The following NOL4 variants were observed in gnomAD, a reference collection of about 807,000 sequenced individuals.
NOL4 encodes nucleolar protein 4.
In NOL4, 17 loss-of-function variants were observed where a neutral mutation model predicts 75.9. That is an observed-to-expected ratio of 0.22 (90% CI 0.15 to 0.34). NOL4 has a LOEUF of 0.34. Ranked by LOEUF, NOL4 falls within the 10% of genes least tolerant of loss-of-function variation. The pLI, the probability that NOL4 is intolerant of heterozygous loss-of-function variation, is 1.00. For synonymous variants in NOL4, 292 were observed against 289.9 expected (o/e 1.01, Z -0.07); for missense variants, 614 against 793.5 (o/e 0.77, Z 2.72).
chr18:34,056,372 T>A (rs1263388741), intron 5 of NOL4, among the ~76,000 whole-genome samples: 1 of 152,106 alleles, frequency 6.6e-6, no homozygotes, highest in East Asian at 1.9e-4. Flanking sequence ...CTCGTGTATG[T>A]CTTTACTTCT....
At chr18:33,980,142 A>C (rs2071830298) in intron 6 of NOL4, among the ~76,000 whole-genome samples, 1 of 152,056 alleles carries the variant, frequency 6.6e-6, no homozygotes, top group Admixed American at 6.6e-5. Flanking sequence ...TATTCAAAAA[A>C]TCAGACAGAC....
chr18:33,855,064 C>T (rs993878989), intron 10 of NOL4, among the ~76,000 whole-genome samples: 1 of 152,014 alleles, frequency 6.6e-6, no homozygotes, highest in Non-Finnish European at 1.5e-5. Context: ...AGAAAGTTGA[C>T]ATCATTATCT....
intron 6 of NOL4, among the ~76,000 whole-genome samples, chr18:34,017,366 T>C (rs759678542): frequency 5.9e-5 from 9 of 152,148 alleles, no homozygotes; most frequent in Non-Finnish European, 1.2e-4. Context: ...TTTAATTGCA[T>C]AAATTTAAGA....
chr18:34,038,490 T>C (rs1484576961), intron 5 of NOL4, among the ~76,000 whole-genome samples: 2 of 152,014 alleles, frequency 1.3e-5, no homozygotes, highest in African/African-American at 2.4e-5. Context: ...AGCTTAAGTG[T>C]CCATCAGTAA....
At chr18:33,880,951 A>T (rs1725429037) in intron 10 of NOL4, among the ~76,000 whole-genome samples, 1 of 152,070 alleles carries the variant, frequency 6.6e-6, no homozygotes, top group Non-Finnish European at 1.5e-5. Context: ...GTTTTTATTA[A>T]TAGCAGATTC....
chr18:33,861,531 CT>C (rs2063131689), intron 10 of NOL4, among the ~76,000 whole-genome samples: 1 of 151,466 alleles, frequency 6.6e-6, no homozygotes, highest in Non-Finnish European at 1.5e-5. Context: ...CTCTTTTTTT[CT>C]TTATTAGTCT....
At chr18:34,100,968 C>A (rs966201341) in intron 4 of NOL4, among the ~76,000 whole-genome samples, 6 of 152,084 alleles carry the variant, frequency 3.9e-5, no homozygotes, top group African/African-American at 1.4e-4. Flanking sequence ...TAGTTAATAC[C>A]AATTCTACCC....
intron 5 of NOL4, among the ~76,000 whole-genome samples, chr18:34,022,125 TA>T (rs1214838124): frequency 2.0e-5 from 3 of 150,860 alleles, no homozygotes; most frequent in Non-Finnish European, 4.4e-5. Flanking sequence ...AATAAATAAA[TA>T]AAATAAAATA....
chr18:33,915,360 G>T lies in NOL4; in HGVS notation c.1542+27705C>A, dbSNP rs115758824. Among the ~76,000 whole-genome samples, 946 of 152,226 alleles carry T rather than the reference G, an allele frequency of 6.2e-3. 6 individuals carry two copies. Among genetic ancestry groups the T allele is most frequent in the African/African-American group, 0.021 (869 of 41,544 alleles). On this transcript the variant is annotated intron_variant, in intron 9 of 10. Transcript: ENST00000261592. ...AGGACTACTGTTGTAAAGGGAAAGA[G>T]AAATGTGGAAACTGAGGGAAGGTGT... is the stretch of plus-strand genomic sequence containing the variant.
In NOL4 at chr18:34,148,454, C is replaced by G. The variant is rs2081503087; in HGVS notation, c.265-18434G>C. Among the ~76,000 whole-genome samples, 3 of 152,014 alleles carry G rather than the reference C, an allele frequency of 2.0e-5. No individual in the cohort carries two copies. The South Asian group carries it at 6.2e-4, about 31-fold the overall frequency. On this transcript the variant is annotated intron_variant, in intron 1 of 10. Transcript: ENST00000261592. ...ATTTCAAAGAACTTACTTATTTCTG[C>G]CTTAATTTCGTTATTTACCCAGTTG...
intron 1 of NOL4, among the ~76,000 whole-genome samples, chr18:34,140,618 C>A (rs975394752): frequency 6.6e-6 from 1 of 152,100 alleles, no homozygotes; most frequent in African/African-American, 2.4e-5. Flanking sequence ...ACTGATGGGT[C>A]TTGACTCTGT....
chr18:34,159,399 G>T (rs1190856423), intron 1 of NOL4, among the ~76,000 whole-genome samples: 2 of 152,104 alleles, frequency 1.3e-5, no homozygotes, highest in Non-Finnish European at 2.9e-5. Flanking sequence ...ATCTGCGTCC[G>T]CTTCACCCGA....
chr18:33,989,783 C>T (rs1268369481), intron 6 of NOL4, among the ~76,000 whole-genome samples: 1 of 152,082 alleles, frequency 6.6e-6, no homozygotes, highest in African/African-American at 2.4e-5. Flanking sequence ...AAAGGTATTA[C>T]CATACCTGTG....
At chr18:34,005,972 T>A (rs1464303107) in intron 6 of NOL4, among the ~76,000 whole-genome samples, 1 of 152,108 alleles carries the variant, frequency 6.6e-6, no homozygotes, top group Admixed American at 6.6e-5. Context: ...ACAACATGCC[T>A]TCTTCCTTGA....
chr18:34,210,094 A>C (rs1358313771), intron 1 of NOL4, among the ~76,000 whole-genome samples: 2 of 152,210 alleles, frequency 1.3e-5, no homozygotes, highest in Admixed American at 6.5e-5. Flanking sequence ...GGAAGGCATA[A>C]AACATCATAT....
At chr18:34,199,405 A>G (rs2035576422) in intron 1 of NOL4, among the ~76,000 whole-genome samples, 1 of 151,800 alleles carries the variant, frequency 6.6e-6, no homozygotes, top group Non-Finnish European at 1.5e-5. Context: ...AAATGATCTA[A>G]AAATGCTTTA....
intron 2 of NOL4, among the ~76,000 whole-genome samples, chr18:34,111,810 C>T (rs1020299418): frequency 6.6e-5 from 10 of 151,796 alleles, no homozygotes; most frequent in African/African-American, 2.2e-4. Flanking sequence ...CTGTTAGGAT[C>T]GCTATTATAA....
rs1333579293 is a variant in NOL4 at position 33,893,510 on chromosome 18, A to G, written c.1543-10086T>C. 2.0e-5 allele frequency among the ~76,000 whole-genome samples: 3 copies of G among 152,282 alleles called. No individual in the cohort carries two copies. In the East Asian group the frequency reaches 5.8e-4, roughly 29 times the overall value. On this transcript the variant is annotated intron_variant, in intron 9 of 10. Transcript: ENST00000261592. Reference sequence around the variant, plus strand: ...TTATTTATAAAATGAAGTTTCATTGATTCGATTCAACTTTTTGACAATAGG... The same window carrying G: ...TTATTTATAAAATGAAGTTTCATTGGTTCGATTCAACTTTTTGACAATAGG...
intron 9 of NOL4, among the ~76,000 whole-genome samples, chr18:33,908,961 A>C (rs1368061985): frequency 2.0e-5 from 3 of 152,122 alleles, no homozygotes; most frequent in Admixed American, 1.3e-4. Context: ...CATATTGACT[A>C]TGGGTGTAGC....
Sources: allele counts gnomAD v4.1 joint callset (sites outside exome capture counted in the v4.1 genomes callset), GRCh38; gene constraint gnomAD v4.1.1; transcripts MANE v1.5; gene names NCBI Gene and HGNC (gene_info 2026-07-23, HGNC 2026-07-21).